The following UBE2D1 variants were observed in gnomAD, a reference collection of about 807,000 sequenced individuals.
UBE2D1 encodes the protein ubiquitin conjugating enzyme E2 D1.
Under a neutral mutation model 24.6 loss-of-function variants are expected in UBE2D1, and 9 were observed. That is an observed-to-expected ratio of 0.37 (90% CI 0.22 to 0.64). The LOEUF (loss-of-function observed/expected upper bound fraction) is 0.64, where lower values mean the gene tolerates loss of function less well. Among genes scored for constraint, UBE2D1 ranks in the 30% least tolerant of loss-of-function variants. UBE2D1 has a pLI of 0.64. For missense variants in UBE2D1, 87 were observed against 177.1 expected (o/e 0.49, Z 2.89); for synonymous variants, 57 against 57.6 (o/e 0.99, Z 0.04).
chr10:58,335,267 C>T (rs776407774), intron 1 of UBE2D1, 42 bp downstream of exon 1: 2 of 1,499,776 alleles, frequency 1.3e-6, no homozygotes, highest in East Asian at 2.7e-5. Flanking sequence ...GGCAGCGGCC[C>T]CCTGCCCACG....
At chr10:58,368,190 A>G in intron 6 of UBE2D1, 174 bp downstream of exon 6, 1 of 512,956 alleles carries the variant, frequency 1.9e-6, no homozygotes, top group Non-Finnish European at 3.5e-6. Flanking sequence ...ACCTTTTATG[A>G]TAAATCTTGT....
At chr10:58,364,975 T>G in intron 5 of UBE2D1, 99 bp downstream of exon 5, 1 of 916,250 alleles carries the variant, frequency 1.1e-6, no homozygotes, top group African/African-American at 1.7e-5. Flanking sequence ...AACAATCAAC[T>G]GTGCTTTCTC....
chr10:58,362,923 T>A (rs1326115470), intron 3 of UBE2D1, among the ~76,000 whole-genome samples: 1 of 152,054 alleles, frequency 6.6e-6, no homozygotes, highest in African/African-American at 2.4e-5. Flanking sequence ...TTTTTAAAAT[T>A]TTTTTGCTTG....
At chr10:58,365,513 T>C (rs1346089048) in intron 5 of UBE2D1, among the ~76,000 whole-genome samples, 1 of 152,234 alleles carries the variant, frequency 6.6e-6, no homozygotes, top group Non-Finnish European at 1.5e-5. Context: ...TAGTCTAAAC[T>C]TCGAATAATC....
At chr10:58,335,293 G>A in intron 1 of UBE2D1, 68 bp downstream of exon 1, 1 of 1,448,956 alleles carries the variant, frequency 6.9e-7, no homozygotes, top group Non-Finnish European at 9.1e-7. Context: ...TCGGCCAGTG[G>A]TCCCGAGAGA....
intron 5 of UBE2D1, among the ~76,000 whole-genome samples, chr10:58,365,914 A>G (rs1840250368): frequency 6.6e-6 from 1 of 152,238 alleles, no homozygotes; most frequent in Non-Finnish European, 1.5e-5. Context: ...AGCAGGGTCC[A>G]CAGCCGTAGC....
chr10:58,358,339 A>G (rs557094731), intron 1 of UBE2D1, among the ~76,000 whole-genome samples: 1 of 152,356 alleles, frequency 6.6e-6, no homozygotes, highest in East Asian at 1.9e-4. Flanking sequence ...AAAATTCAAC[A>G]TGATGAATAA....
intron 3 of UBE2D1, among the ~76,000 whole-genome samples, chr10:58,362,536 C>T (rs1224942253): frequency 2.6e-5 from 4 of 152,170 alleles, no homozygotes; most frequent in Non-Finnish European, 5.9e-5. Context: ...TTTAAAGGCC[C>T]ACCCTTACCT....
intron 4 of UBE2D1, 64 bp downstream of exon 4, chr10:58,363,750 C>T: frequency 8.1e-7 from 1 of 1,227,744 alleles, no homozygotes; most frequent in South Asian, 1.3e-5. Flanking sequence ...ATCTAGAGCT[C>T]ATTTGATTAT....
At chr10:58,343,754 C>CA (rs1175469805) in intron 1 of UBE2D1, among the ~76,000 whole-genome samples, 39 of 152,174 alleles carry the variant, frequency 2.6e-4, no homozygotes, top group African/African-American at 8.7e-4. Flanking sequence ...ATGATACTAA[C>CA]AGAGAGTAGA....
At chr10:58,366,091 T>C (rs1390943837) in intron 5 of UBE2D1, among the ~76,000 whole-genome samples, 1 of 107,408 alleles carries the variant, frequency 9.3e-6, no homozygotes, top group Non-Finnish European at 1.9e-5. Flanking sequence ...AAAGATTCTG[T>C]GTTGAAGGGT....
chr10:58,337,335 G>A (rs1253592086), intron 1 of UBE2D1, among the ~76,000 whole-genome samples: 1 of 152,004 alleles, frequency 6.6e-6, no homozygotes, highest in African/African-American at 2.4e-5. Context: ...TCAAACCTTA[G>A]GGGTGATTAT....
intron 1 of UBE2D1, chr10:58,360,833 G>A (rs975004183): frequency 2.7e-6 from 1 of 374,108 alleles, no homozygotes; most frequent in Admixed American, 3.4e-5. Context: ...CCTGAGGTGG[G>A]AGGATCGCTT....
intron 5 of UBE2D1, among the ~76,000 whole-genome samples, chr10:58,367,067 A>G (rs1840263454): frequency 6.6e-6 from 1 of 152,120 alleles, no homozygotes; most frequent in Non-Finnish European, 1.5e-5. Context: ...TTAGTTCATA[A>G]CACCCCCCCA....
At chr10:58,341,517 T>C (rs1839961395) in intron 1 of UBE2D1, among the ~76,000 whole-genome samples, 1 of 152,150 alleles carries the variant, frequency 6.6e-6, no homozygotes, top group South Asian at 2.1e-4. Flanking sequence ...TATAAAAAAA[T>C]GAGGTAACCT....
At chr10:58,360,438 A>G (rs1399741182) in intron 1 of UBE2D1, among the ~76,000 whole-genome samples, 1 of 152,056 alleles carries the variant, frequency 6.6e-6, no homozygotes, top group East Asian at 1.9e-4. Flanking sequence ...GAGGAAAAAA[A>G]AAAATCCAAA....
intron 1 of UBE2D1, among the ~76,000 whole-genome samples, chr10:58,357,278 T>A (rs1485524108): frequency 2.0e-5 from 3 of 152,154 alleles, no homozygotes; most frequent in African/African-American, 7.2e-5. Context: ...TTATCTTTAA[T>A]ACCCCATATG....
At position 58,335,089 on chromosome 10, in the gene UBE2D1, C is replaced by A. The variant is rs1051155065; in HGVS notation, c.-113C>A. On this transcript the variant is annotated 5_prime_UTR_variant, in exon 1 of 7. Transcript: ENST00000373910. ...GAGCCAGGGAGCGGCTAACCGGGGA[C>A]CCACCGCGCGGAGCCAGCCTAGCTG... 8.5e-7 allele frequency: 1 copy of A among 1,183,402 alleles called. No homozygotes were observed. Among genetic ancestry groups the A allele is most frequent in the Non-Finnish European group, 1.2e-6 (1 of 837,810 alleles). The allele number at this position is 1,183,402 out of a possible 1,614,324, so 73.3% of individuals were successfully genotyped here.
Position 58,339,573 on chromosome 10 carries a change from G to A in UBE2D1, c.24+4348G>A, listed in dbSNP as rs59474782. On this transcript the variant is annotated intron_variant, in intron 1 of 6. Coordinates refer to ENST00000373910, the MANE Select transcript of UBE2D1 (RefSeq NM_003338.5). The stretch of plus-strand genomic sequence containing the variant: ...TTGTAATCGTTACTCTGCCTTCTAA[G>A]TACTTGACATATATTAATTGACTTA... Among the ~76,000 whole-genome samples the A allele has an allele frequency of 4.8e-3, 735 of 152,198 alleles. 48 individuals are homozygous for A. The East Asian group carries it at 0.13, about 27-fold the overall frequency.
Sources: allele counts gnomAD v4.1 joint callset (sites outside exome capture counted in the v4.1 genomes callset), GRCh38; gene constraint gnomAD v4.1.1; transcripts MANE v1.5; gene names NCBI Gene and HGNC (gene_info 2026-07-23, HGNC 2026-07-21).